Variants in TMEM108 observed in about 807,000 individuals in gnomAD.
TMEM108 encodes transmembrane protein 108, also known as cancer/testis antigen 124.
Under a neutral mutation model 35.1 loss-of-function variants are expected in TMEM108, and 12 were observed. The ratio of observed to expected loss-of-function variants is 0.34; its 90% CI spans 0.22 to 0.55. TMEM108 has a LOEUF of 0.55. Ranked by LOEUF, TMEM108 falls within the 20% of genes least tolerant of loss-of-function variation. The pLI is 0.89. For synonymous variants in TMEM108, 287 were observed against 308.6 expected, an observed-to-expected ratio of 0.93 and a Z score of 0.73; for missense variants, 680 against 753.3, an observed-to-expected ratio of 0.90 and a Z score of 1.14.
chr3:133,133,564 G>A (rs73007484), intron 2 of TMEM108, among the ~76,000 whole-genome samples: 9,591 of 152,118 alleles, frequency 0.063, 1,023 homozygotes, highest in African/African-American at 0.22. Context: ...TGGTATGCCT[G>A]TAAGGAAGAT....
At chr3:133,305,053 C>T (rs540564851) in intron 3 of TMEM108, among the ~76,000 whole-genome samples, 1 of 152,162 alleles carries the variant, frequency 6.6e-6, no homozygotes, top group Non-Finnish European at 1.5e-5. Flanking sequence ...ACTGCACCCC[C>T]AGCCCAGGCA....
At chr3:133,370,543 T>A (rs2072629026) in intron 3 of TMEM108, among the ~76,000 whole-genome samples, 1 of 152,196 alleles carries the variant, frequency 6.6e-6, no homozygotes, top group South Asian at 2.1e-4. Context: ...AGCTTCTTCC[T>A]TTTAGTTTGG....
intron 3 of TMEM108, among the ~76,000 whole-genome samples, chr3:133,287,054 G>A (rs532804407): frequency 4.0e-4 from 61 of 152,166 alleles, no homozygotes; most frequent in African/African-American, 1.4e-3. Flanking sequence ...GTAAAAACAG[G>A]CAGGGAGCTT....
chr3:133,111,849 T>C (rs911943661), intron 2 of TMEM108, among the ~76,000 whole-genome samples: 2 of 152,160 alleles, frequency 1.3e-5, no homozygotes, highest in Admixed American at 6.6e-5. Context: ...CATCAGTAAA[T>C]GGAGTTGAAA....
chr3:133,117,537 C>A lies in TMEM108; in HGVS notation c.-47+71517C>A, dbSNP rs12488452. ...GCATTAGGAGCTGAAAATTAGAGTG[C>A]CATTGACTGTTGTTGCCATGGTAAT... is the stretch of plus-strand genomic sequence containing the variant. On this transcript the variant is annotated intron_variant, in intron 2 of 5. Transcript: ENST00000321871. Among the ~76,000 whole-genome samples the A allele has an allele frequency of 1.4e-3, 207 of 152,210 alleles. 3 individuals are homozygous for A. Among genetic ancestry groups the A allele is most frequent in the South Asian group, 7.1e-3 (34 of 4,818 alleles).
intron 2 of TMEM108, among the ~76,000 whole-genome samples, chr3:133,203,717 T>A (rs1480540671): frequency 3.3e-5 from 5 of 152,212 alleles, no homozygotes; most frequent in African/African-American, 1.2e-4. Flanking sequence ...TTGAGGATTT[T>A]CGCGTTGACC....
intron 3 of TMEM108, among the ~76,000 whole-genome samples, chr3:133,372,152 A>ATTTGT (rs1267515070): frequency 2.0e-5 from 3 of 152,132 alleles, no homozygotes; most frequent in African/African-American, 7.2e-5. Flanking sequence ...TTGGGGAAAG[A>ATTTGT]TTTGTTTTTT....
chr3:133,316,447 T>C (rs1400339724), intron 3 of TMEM108, among the ~76,000 whole-genome samples: 1 of 152,200 alleles, frequency 6.6e-6, no homozygotes, highest in African/African-American at 2.4e-5. Context: ...GCATCATCAC[T>C]TAGAGAGCTG....
At chr3:133,376,259 C>A (rs922863119) in intron 3 of TMEM108, among the ~76,000 whole-genome samples, 4 of 152,134 alleles carry the variant, frequency 2.6e-5, no homozygotes, top group Admixed American at 6.5e-5. Flanking sequence ...TCTGTATTAA[C>A]CCCTCTCTCT....
intron 2 of TMEM108, among the ~76,000 whole-genome samples, chr3:133,083,251 C>G (rs1943838788): frequency 6.7e-6 from 1 of 148,614 alleles, no homozygotes; most frequent in South Asian, 2.2e-4. Context: ...CTGTACATGC[C>G]TCTGTTACAG....
intron 2 of TMEM108, chr3:133,074,218 T>C (rs138552801): frequency 5.1e-4 from 77 of 152,240 alleles, no homozygotes; most frequent in African/African-American, 1.8e-3. Context: ...TTAGACTCCC[T>C]CTTGATTATT....
intron 2 of TMEM108, among the ~76,000 whole-genome samples, chr3:133,167,716 G>A (rs1218262245): frequency 3.3e-5 from 5 of 152,290 alleles, no homozygotes; most frequent in East Asian, 1.9e-4. Flanking sequence ...ACACCCACCC[G>A]GAACTTGCGC....
chr3:133,247,468 G>A (rs1355536025), intron 3 of TMEM108: 1 of 152,074 alleles, frequency 6.6e-6, no homozygotes, highest in African/African-American at 2.4e-5. Context: ...GCTTCCTAGT[G>A]TCCTGAGTGT....
At chr3:133,348,998 C>T (rs144251372) in intron 3 of TMEM108, among the ~76,000 whole-genome samples, 212 of 152,058 alleles carry the variant, frequency 1.4e-3, no homozygotes, top group Middle Eastern at 3.4e-3. Context: ...ATGATTGTTA[C>T]CAAGTTTCTA....
At chr3:133,253,171 A>AG (rs1386942358) in intron 3 of TMEM108, among the ~76,000 whole-genome samples, 1 of 152,230 alleles carries the variant, frequency 6.6e-6, no homozygotes, top group Non-Finnish European at 1.5e-5. Flanking sequence ...GACTGTACAG[A>AG]GAAACCTATT....
intron 4 of TMEM108, chr3:133,388,282 G>T (rs1437141647): frequency 4.1e-6 from 4 of 985,038 alleles, no homozygotes; most frequent in Non-Finnish European, 4.8e-6. Flanking sequence ...AGACACCAGA[G>T]AAGGGGACAG....
chr3:133,308,253 A>G (rs2071072178), intron 3 of TMEM108, among the ~76,000 whole-genome samples: 1 of 152,088 alleles, frequency 6.6e-6, no homozygotes, highest in African/African-American at 2.4e-5. Context: ...GCTTAAGGAG[A>G]TTTTGGGCTA....
chr3:133,297,156 G>T (rs188442053), intron 3 of TMEM108, among the ~76,000 whole-genome samples: 1 of 152,336 alleles, frequency 6.6e-6, no homozygotes, highest in East Asian at 1.9e-4. Context: ...TTAATTCAGA[G>T]TATTTCATTT....
At chr3:133,097,899 C>T (rs771046243) in intron 2 of TMEM108, among the ~76,000 whole-genome samples, 4 of 152,188 alleles carry the variant, frequency 2.6e-5, no homozygotes, top group Admixed American at 2.6e-4. Flanking sequence ...TTAGGTTTTA[C>T]ACCTCAGCCT....
Sources: gnomAD v4.1 joint callset for allele counts (sites outside exome capture counted in the v4.1 genomes callset) on GRCh38, gnomAD v4.1.1 for gene constraint, MANE v1.5 for transcripts, NCBI Gene and HGNC (gene_info 2026-07-23, HGNC 2026-07-21) for gene names.